Variants in ABLIM3 observed in about 807,000 individuals in gnomAD.
ABLIM3 encodes the protein actin binding LIM protein family member 3.
Under a neutral mutation model 109.5 loss-of-function variants are expected in ABLIM3, and 61 were observed. The observed-to-expected ratio is 0.56, with a 90% CI of 0.45 to 0.69. The LOEUF (loss-of-function observed/expected upper bound fraction) is 0.69, where lower values mean the gene tolerates loss of function less well. Ranked by LOEUF, ABLIM3 falls within the 30% of genes least tolerant of loss-of-function variation. ABLIM3 has a pLI of 0.00. For synonymous variants in ABLIM3, 300 were observed against 324.8 expected (o/e 0.92, Z 0.82); for missense variants, 796 against 889.5 (o/e 0.89, Z 1.34).
chr5:149,217,122 T>C (rs1760175857), intron 8 of ABLIM3, 76 bp downstream of exon 8: 2 of 1,371,000 alleles, frequency 1.5e-6, no homozygotes, highest in Admixed American at 3.7e-5. Context: ...TCAGGTTCAG[T>C]GTTATCTTGG....
chr5:149,144,424 C>T (rs1320087569), intron 2 of ABLIM3, among the ~76,000 whole-genome samples: 2 of 152,196 alleles, frequency 1.3e-5, no homozygotes, highest in Non-Finnish European at 2.9e-5. Context: ...ATGGATAGGG[C>T]ATTGGCAGGA....
intron 2 of ABLIM3, among the ~76,000 whole-genome samples, chr5:149,171,920 C>A (rs560658930): frequency 0.42 from 63,112 of 151,876 alleles, 13,636 homozygotes; most frequent in East Asian, 0.67. Flanking sequence ...TTCTATTGTC[C>A]ACTATTCTAT....
At position 149,259,690 on chromosome 5, in the gene ABLIM3, T is replaced by C. The variant is rs1005377984; in HGVS notation, c.*1286T>C. 1 of 1,201,902 alleles carries C rather than the reference T, an allele frequency of 8.3e-7. No individual in the cohort carries two copies. The highest frequency in any genetic ancestry group is 1.2e-6 in the Non-Finnish European group (1 of 846,456). 74.5% of individuals were successfully genotyped at this position (1,201,902 alleles called of 1,614,324 possible). ...GGAGAAAGCTTAACCTCTCTTCTCCTCTCCAAACCTTTCACCTTGAATGGG... is the reference window on the plus strand; with the variant it reads ...GGAGAAAGCTTAACCTCTCTTCTCCCCTCCAAACCTTTCACCTTGAATGGG... On this transcript the variant is annotated 3_prime_UTR_variant, in exon 24 of 24. Transcript: ENST00000309868.
At chr5:149,238,445 C>A (rs923294120) in intron 11 of ABLIM3, among the ~76,000 whole-genome samples, 2 of 152,146 alleles carry the variant, frequency 1.3e-5, no homozygotes, top group East Asian at 1.9e-4. Context: ...TGCTGAGATT[C>A]TCTGGTTTCC....
At chr5:149,257,839 T>G (rs184173497) in intron 23 of ABLIM3, among the ~76,000 whole-genome samples, 1 of 152,192 alleles carries the variant, frequency 6.6e-6, no homozygotes, top group East Asian at 1.9e-4. Flanking sequence ...ATGAACAGCC[T>G]TCCAGATCAT....
At chr5:149,250,992 C>A (rs147246767) in intron 20 of ABLIM3, among the ~76,000 whole-genome samples, 1 of 152,008 alleles carries the variant, frequency 6.6e-6, no homozygotes, top group Non-Finnish European at 1.5e-5. Flanking sequence ...GCTCCCTGAG[C>A]GTGCTGTTAT....
chr5:149,233,287 A>C lies in ABLIM3; in HGVS notation c.875A>C (p.Asn292Thr). ...SPPGSSIGSP[N>T]RVICAKVDNE... ...CCTGGATCCAGCATTGGGTCACCCA[A>C]CCGAGTCATCTGCGTATGTATCACT... The change falls in exon 10 of 24, where the codon AAC becomes ACC. Residue 292 changes from asparagine to threonine, a missense_variant. Transcript: ENST00000309868. 1 of 1,614,060 alleles carries C rather than the reference A, an allele frequency of 6.2e-7. No homozygotes were observed. Among genetic ancestry groups the C allele is most frequent in the South Asian group, 1.1e-5 (1 of 91,078 alleles).
At position 149,170,228 on chromosome 5, in the gene ABLIM3, T is replaced by TTCTCTCTCTCTCTC. The variant is rs10644957; in HGVS notation, c.14-13201_14-13188dup. On this transcript the variant is annotated intron_variant, in intron 2 of 23. Coordinates refer to ENST00000309868, the MANE Select transcript of ABLIM3 (RefSeq NM_014945.5). The stretch of plus-strand genomic sequence containing the variant: ...ATGATGCATTCATTCAGGGTTCTGT[T>TTCTCTCTCTCTCTC]TCTCTCTCTCTCTCTCTCTCTCTCT... Among the ~76,000 whole-genome samples, 962 of 124,568 alleles carry TTCTCTCTCTCTCTC rather than the reference T, an allele frequency of 7.7e-3. 11 individuals carry two copies. Among genetic ancestry groups the TTCTCTCTCTCTCTC allele is most frequent in the East Asian group, 0.023 (89 of 3,862 alleles). The allele number at this position is 124,568 out of a possible 152,430, so 81.7% of individuals were successfully genotyped here.
intron 2 of ABLIM3, among the ~76,000 whole-genome samples, chr5:149,178,591 T>C (rs1756178346): frequency 6.6e-6 from 1 of 152,232 alleles, no homozygotes; most frequent in African/African-American, 2.4e-5. Flanking sequence ...GGAACATTTT[T>C]ATCTACAAGG....
intron 15 of ABLIM3, chr5:149,243,874 A>C (rs1753093806): frequency 6.6e-6 from 1 of 152,232 alleles, no homozygotes; most frequent in African/African-American, 2.4e-5. Context: ...GCGGAGGAAA[A>C]AGCTAAATGC....
At chr5:149,156,920 C>G (rs930079666) in intron 2 of ABLIM3, among the ~76,000 whole-genome samples, 8 of 152,352 alleles carry the variant, frequency 5.3e-5, no homozygotes, top group Non-Finnish European at 7.3e-5. Flanking sequence ...TTGCTGACCC[C>G]TATACTAAAT....
At chr5:149,187,506 C>G (rs1391413172) in intron 3 of ABLIM3, among the ~76,000 whole-genome samples, 1 of 152,194 alleles carries the variant, frequency 6.6e-6, no homozygotes, top group Admixed American at 6.5e-5. Context: ...ATAACAAAGA[C>G]AAACCTACAA....
intron 9 of ABLIM3, among the ~76,000 whole-genome samples, chr5:149,232,292 C>T (rs905399271): frequency 3.4e-4 from 52 of 152,066 alleles, no homozygotes; most frequent in Admixed American, 2.7e-3. Context: ...GATGACAGAG[C>T]GAGACTCTGT....
intron 6 of ABLIM3, among the ~76,000 whole-genome samples, chr5:149,209,590 A>T (rs1759341766): frequency 6.6e-6 from 1 of 152,174 alleles, no homozygotes; most frequent in Admixed American, 6.5e-5. Flanking sequence ...TCCAAAAGAG[A>T]TTGTGTTGGC....
chr5:149,259,512 C>A lies in ABLIM3; in HGVS notation c.*1108C>A. On this transcript the variant is annotated 3_prime_UTR_variant, in exon 24 of 24. Transcript: ENST00000309868. ...ACCATACCATACCCCCGCCAGTCCTCGGCTCCTGCTGCAAAGTTGGCCATG... is the reference window on the plus strand; with the variant it reads ...ACCATACCATACCCCCGCCAGTCCTAGGCTCCTGCTGCAAAGTTGGCCATG... 1 of 1,536,190 alleles carries A rather than the reference C, an allele frequency of 6.5e-7. No individual in the cohort carries two copies. Among genetic ancestry groups the A allele is most frequent in the Non-Finnish European group, 8.7e-7 (1 of 1,146,920 alleles).
chr5:149,160,413 G>T (rs1387166447), intron 2 of ABLIM3, among the ~76,000 whole-genome samples: 4 of 82,038 alleles, frequency 4.9e-5, no homozygotes, highest in Non-Finnish European at 1.1e-4. Flanking sequence ...AGCCAAGATT[G>T]CACATCTGCA....
chr5:149,196,194 G>A (rs1302612481), intron 3 of ABLIM3, among the ~76,000 whole-genome samples: 1 of 152,068 alleles, frequency 6.6e-6, no homozygotes, highest in Non-Finnish European at 1.5e-5. Context: ...TCCTCACTCA[G>A]CCTCACCCCT....
chr5:149,157,549 T>C (rs1302051450), intron 2 of ABLIM3, among the ~76,000 whole-genome samples: 1 of 120,084 alleles, frequency 8.3e-6, no homozygotes. Context: ...ATATGACTTA[T>C]GCTAGCCAAT....
chr5:149,183,649 G>A (rs1476867135), intron 3 of ABLIM3, 60 bp downstream of exon 3: 20 of 1,442,102 alleles, frequency 1.4e-5, no homozygotes, highest in African/African-American at 2.9e-5. Context: ...GCACCATCAG[G>A]TCATGCCTCA....
Sources: gnomAD v4.1 joint callset for allele counts (sites outside exome capture counted in the v4.1 genomes callset) on GRCh38, gnomAD v4.1.1 for gene constraint, MANE v1.5 for transcripts, NCBI Gene and HGNC (gene_info 2026-07-23, HGNC 2026-07-21) for gene names.